The following MTA3 variants were observed in gnomAD, a reference collection of about 807,000 sequenced individuals.
MTA3 encodes metastasis-associated protein MTA3.
In MTA3, 34 loss-of-function variants were observed where a neutral mutation model predicts 83.5. The observed-to-expected ratio is 0.41, with a 90% CI of 0.31 to 0.54. The LOEUF (loss-of-function observed/expected upper bound fraction) is 0.54. Among genes scored for constraint, MTA3 ranks in the 20% least tolerant of loss-of-function variants. The pLI, the probability that MTA3 is intolerant of heterozygous loss-of-function variation, is 0.33. For synonymous variants in MTA3, 303 were observed against 252.7 expected (o/e 1.20, Z -1.89); for missense variants, 761 against 726.4 (o/e 1.05, Z -0.55).
chr2:42,507,280 T>A (rs1165452716), intron 2 of MTA3, among the ~76,000 whole-genome samples: 2 of 151,876 alleles, frequency 1.3e-5, no homozygotes, highest in African/African-American at 4.8e-5. Context: ...CAAGCAATCC[T>A]CCCTCCTCAG....
intron 2 of MTA3, among the ~76,000 whole-genome samples, chr2:42,525,603 T>C (rs368544696): frequency 6.3e-5 from 6 of 95,504 alleles, no homozygotes; most frequent in South Asian, 3.4e-4. Context: ...CCTTCCTTCC[T>C]TTCCTTCCTT....
chr2:42,562,420 C>G (rs1374103731), intron 2 of MTA3, among the ~76,000 whole-genome samples: 1 of 152,116 alleles, frequency 6.6e-6, no homozygotes, highest in Non-Finnish European at 1.5e-5. Flanking sequence ...CTTCCCTCCC[C>G]CTCCCCACCC....
intron 8 of MTA3, among the ~76,000 whole-genome samples, chr2:42,671,946 A>G (rs1690832769): frequency 6.6e-6 from 1 of 152,180 alleles, no homozygotes; most frequent in African/African-American, 2.4e-5. Flanking sequence ...AGCAGTCTAG[A>G]AAATACCCTC....
At chr2:42,659,651 C>A in intron 7 of MTA3, 112 bp from the exon 8 acceptor site, 1 of 656,090 alleles carries the variant, frequency 1.5e-6, no homozygotes, top group Non-Finnish European at 2.2e-6. Context: ...CTTGTTTTTG[C>A]CTCTTCTTTT....
At chr2:42,624,265 A>G (rs950122437) in intron 4 of MTA3, among the ~76,000 whole-genome samples, 12 of 151,806 alleles carry the variant, frequency 7.9e-5, no homozygotes, top group African/African-American at 1.9e-4. Flanking sequence ...TTATTTTTGG[A>G]TTTTTATTAA....
chr2:42,721,890 T>C (rs929445462), intron 15 of MTA3, among the ~76,000 whole-genome samples: 2 of 152,118 alleles, frequency 1.3e-5, no homozygotes, highest in Non-Finnish European at 2.9e-5. Context: ...TCATGTCATG[T>C]TGGAGAAAAA....
At chr2:42,609,222 G>A (rs1040056554) in intron 3 of MTA3, among the ~76,000 whole-genome samples, 8 of 151,732 alleles carry the variant, frequency 5.3e-5, no homozygotes, top group African/African-American at 1.9e-4. Flanking sequence ...GTAGAGATGG[G>A]GTTTCGCCAT....
intron 2 of MTA3, among the ~76,000 whole-genome samples, chr2:42,551,149 G>A (rs1005491009): frequency 2.6e-5 from 4 of 151,960 alleles, no homozygotes; most frequent in African/African-American, 7.2e-5. Context: ...CTTTGAGCTC[G>A]GGTCATTCAT....
At chr2:42,584,551 T>TC (rs1261247354) in intron 3 of MTA3, among the ~76,000 whole-genome samples, 1 of 152,166 alleles carries the variant, frequency 6.6e-6, no homozygotes, top group Non-Finnish European at 1.5e-5. Context: ...GTGTATTTTT[T>TC]TTTTTTTGGG....
At chr2:42,622,565 A>G (rs960823982) in intron 4 of MTA3, among the ~76,000 whole-genome samples, 4 of 152,316 alleles carry the variant, frequency 2.6e-5, no homozygotes, top group African/African-American at 7.2e-5. Flanking sequence ...TTTAATTTCA[A>G]CATGGTAAAT....
intron 6 of MTA3, among the ~76,000 whole-genome samples, chr2:42,645,185 A>G (rs1688060155): frequency 6.6e-6 from 1 of 151,188 alleles, no homozygotes; most frequent in South Asian, 2.1e-4. Context: ...CAAAAAAAAA[A>G]AAAAAAAAAA....
chr2:42,674,413 A>T (rs752622925), intron 8 of MTA3, among the ~76,000 whole-genome samples: 1 of 152,248 alleles, frequency 6.6e-6, no homozygotes, highest in Non-Finnish European at 1.5e-5. Context: ...TATGAATGAG[A>T]TGAAATGTGA....
intron 2 of MTA3, among the ~76,000 whole-genome samples, chr2:42,495,932 G>A (rs1674109483): frequency 6.6e-6 from 1 of 152,174 alleles, no homozygotes; most frequent in Non-Finnish European, 1.5e-5. Flanking sequence ...TGTAGGACGT[G>A]AGGATGGGGA....
chr2:42,633,971 T>A (rs1367205584), intron 4 of MTA3, among the ~76,000 whole-genome samples: 1 of 152,162 alleles, frequency 6.6e-6, no homozygotes. Context: ...AAAACCATAG[T>A]TTTCTTAATG....
intron 2 of MTA3, among the ~76,000 whole-genome samples, chr2:42,542,631 AACCTCC>A (rs1463396822): frequency 6.6e-6 from 1 of 152,024 alleles, no homozygotes; most frequent in African/African-American, 2.4e-5. Flanking sequence ...AGCTCACTGC[AACCTCC>A]ACCTCCCGGG....
At chr2:42,611,273 G>T (rs533846095) in intron 4 of MTA3, among the ~76,000 whole-genome samples, 19 of 151,632 alleles carry the variant, frequency 1.3e-4, no homozygotes, top group Non-Finnish European at 2.1e-4. Context: ...GTGAGCCACT[G>T]TGCCCAGCTG....
intron 4 of MTA3, among the ~76,000 whole-genome samples, chr2:42,630,356 C>T (rs1686556635): frequency 6.6e-6 from 1 of 152,152 alleles, no homozygotes; most frequent in South Asian, 2.1e-4. Flanking sequence ...ATATATGATT[C>T]AGAAATCAAA....
At chr2:42,752,461 A>G (rs1439454033) in intron 16 of MTA3, among the ~76,000 whole-genome samples, 1 of 152,134 alleles carries the variant, frequency 6.6e-6, no homozygotes, top group Non-Finnish European at 1.5e-5. Flanking sequence ...TTCTAATACA[A>G]CACGGTGGTG....
Position 42,719,048 on chromosome 2 carries a change from C to T in MTA3, c.1586C>T (p.Pro529Leu). 2.6e-6 allele frequency: 4 copies of T among 1,550,260 alleles called. No homozygotes were observed. The highest frequency in any genetic ancestry group is 3.5e-6 in the Non-Finnish European group (4 of 1,146,792). The change falls in exon 15 of 17, where the codon CCT (proline) becomes CTT (leucine). Residue 529 changes from proline (P) to leucine (L), a missense_variant. Coordinates refer to ENST00000405094, the MANE Select transcript of MTA3 (RefSeq NM_001330442.2). ...SPLKSKSTRKPLACIIGYLEI... is the reference protein window; with the variant it reads ...SPLKSKSTRKLLACIIGYLEI... ...CTGAAAAGCAAAAGCACTAGGAAGC[C>T]TTTGGCATGTATCATTGGGTATTTA...
Sources: gnomAD v4.1 joint callset for allele counts (sites outside exome capture counted in the v4.1 genomes callset) on GRCh38, gnomAD v4.1.1 for gene constraint, MANE v1.5 for transcripts, NCBI Gene and HGNC (gene_info 2026-07-23, HGNC 2026-07-21) for gene names.